Variants in SDCCAG8 observed in about 807,000 individuals in gnomAD.
The protein encoded by SDCCAG8 is serologically defined colon cancer antigen 8.
A neutral mutation model predicts 101.8 loss-of-function variants in SDCCAG8; 74 were observed. The observed-to-expected ratio is 0.73, with a 90% confidence interval of 0.60 to 0.88. The LOEUF is 0.88. Among genes scored for constraint, SDCCAG8 ranks in the 40% least tolerant of loss-of-function variants. The probability of loss-of-function intolerance (pLI) is 0.00; values close to 1 mark genes in which losing one functional copy is unlikely to be tolerated. For synonymous variants in SDCCAG8, 281 were observed against 292.9 expected (o/e 0.96, Z 0.41); for missense variants, 787 against 822.6 (o/e 0.96, Z 0.53).
intron 12 of SDCCAG8, among the ~76,000 whole-genome samples, chr1:243,370,318 GA>G (rs899314466): frequency 6.6e-6 from 1 of 151,788 alleles, no homozygotes; most frequent in Non-Finnish European, 1.5e-5. Flanking sequence ...TTATTTTAAA[GA>G]AAAAAAATTG....
intron 16 of SDCCAG8, among the ~76,000 whole-genome samples, chr1:243,447,223 T>G (rs2082976880): frequency 9.4e-6 from 1 of 106,234 alleles, no homozygotes; most frequent in Admixed American, 1.5e-4. Context: ...CACTCCAGCC[T>G]GGGTGACAGA....
chr1:243,260,905 C>T (rs763305330), intron 1 of SDCCAG8, among the ~76,000 whole-genome samples: 1 of 152,160 alleles, frequency 6.6e-6, no homozygotes, highest in African/African-American at 2.4e-5. Context: ...CAGGTCACTG[C>T]ACTTACTTTT....
At chr1:243,396,801 T>C (rs2079061619) in intron 13 of SDCCAG8, among the ~76,000 whole-genome samples, 2 of 152,230 alleles carry the variant, frequency 1.3e-5, no homozygotes, top group African/African-American at 4.8e-5. Context: ...CTACTTTGAC[T>C]CCAAATTATT....
chr1:243,412,263 C>G (rs1014747402), intron 13 of SDCCAG8, among the ~76,000 whole-genome samples: 2 of 152,096 alleles, frequency 1.3e-5, no homozygotes, highest in Non-Finnish European at 2.9e-5. Context: ...AATCCATTAT[C>G]GTATTACCTC....
At chr1:243,470,579 A>G (rs1159724398) in intron 16 of SDCCAG8, among the ~76,000 whole-genome samples, 1 of 151,650 alleles carries the variant, frequency 6.6e-6, no homozygotes, top group Non-Finnish European at 1.5e-5. Context: ...CAGGATTTCA[A>G]CGGTGTCAAC....
intron 1 of SDCCAG8, among the ~76,000 whole-genome samples, chr1:243,262,464 A>AAATCTC (rs2067269487): frequency 1.3e-5 from 2 of 152,184 alleles, no homozygotes; most frequent in Non-Finnish European, 2.9e-5. Flanking sequence ...CTAGAACTTA[A>AAATCTC]AAGTACAATC....
intron 12 of SDCCAG8, among the ~76,000 whole-genome samples, chr1:243,372,688 A>G (rs1008508655): frequency 1.3e-5 from 2 of 151,760 alleles, no homozygotes; most frequent in Non-Finnish European, 2.9e-5. Context: ...GAAGCAAGAA[A>G]TGTTTTTTTT....
chr1:243,340,341 T>C (rs1273756089), intron 10 of SDCCAG8, among the ~76,000 whole-genome samples: 1 of 152,184 alleles, frequency 6.6e-6, no homozygotes, highest in Non-Finnish European at 1.5e-5. Context: ...GGACACAGGC[T>C]ACAAACAACA....
rs955874300 is a variant in SDCCAG8 at position 243,466,067 on chromosome 1, G to T, written c.1986-22947G>T. On this transcript the variant is annotated intron_variant, in intron 16 of 17. Transcript: ENST00000366541. ...CCATTTTGGTAAAAGCGTTGAAATA[G>T]CAATGCGCTATGAGCTAGTCTTTGC... Among the ~76,000 whole-genome samples the T allele has an allele frequency of 2.6e-5, 4 of 152,168 alleles. No homozygotes were observed. The East Asian group carries it at 7.7e-4, about 29-fold the overall frequency.
chr1:243,258,283 A>T (rs954991878), intron 1 of SDCCAG8, among the ~76,000 whole-genome samples: 1 of 152,188 alleles, frequency 6.6e-6, no homozygotes, highest in Non-Finnish European at 1.5e-5. Context: ...TTTATTTAGT[A>T]GCACTTTTAT....
intron 15 of SDCCAG8, among the ~76,000 whole-genome samples, chr1:243,423,439 A>G (rs1192578817): frequency 3.3e-5 from 5 of 152,102 alleles, no homozygotes; most frequent in Non-Finnish European, 5.9e-5. Flanking sequence ...TTTTCATTTG[A>G]TATCTAATGA....
Position 243,474,066 on chromosome 1 carries a change from T to A in SDCCAG8, c.1986-14948T>A, listed in dbSNP as rs922085543. Among the ~76,000 whole-genome samples the A allele has an allele frequency of 6.6e-6, 1 of 152,152 alleles. No homozygotes were observed. Among genetic ancestry groups the A allele is most frequent in the Non-Finnish European group, 1.5e-5 (1 of 68,022 alleles). On this transcript the variant is annotated intron_variant, in intron 16 of 17. Coordinates refer to ENST00000366541, the MANE Select transcript of SDCCAG8 (RefSeq NM_006642.5). The surrounding 1 kb of genome is among the most constrained non-coding windows in gnomAD (Gnocchi z 4.7). Reference sequence around the variant, plus strand: ...TTTCTTTGGCCTATTAGCCAAGATTTTTTTTTTCCTGTTTATTAAAATTTG... The same window carrying A: ...TTTCTTTGGCCTATTAGCCAAGATTATTTTTTTCCTGTTTATTAAAATTTG...
At position 243,489,065 on chromosome 1, in the gene SDCCAG8, GCTCCTCAGCAAGCAGAACCAGCTT is replaced by G; in HGVS notation, c.2043_2066del (p.Ser682_Leu689del). On this transcript the variant is annotated inframe_deletion, in exon 17 of 18. Transcript: ENST00000366541. ...AGGCCACAGCCCAGCAGCTGGTGCA[GCTCCTCAGCAAGCAGAACCAGCTT>G]CTCCTGGAGAGGCAGAGCCTGTCGG... 6.2e-7 allele frequency: 1 copy of G among 1,613,442 alleles called. No homozygotes were observed. The highest frequency in any genetic ancestry group is 8.5e-7 in the Non-Finnish European group (1 of 1,180,016).
At chr1:243,421,661 G>T (rs1319659913) in intron 15 of SDCCAG8, among the ~76,000 whole-genome samples, 1 of 152,128 alleles carries the variant, frequency 6.6e-6, no homozygotes, top group African/African-American at 2.4e-5. Context: ...CCGATTCTGT[G>T]CATGTTGTAT....
At chr1:243,296,708 A>G (rs1350333577) in intron 6 of SDCCAG8, among the ~76,000 whole-genome samples, 3 of 150,290 alleles carry the variant, frequency 2.0e-5, no homozygotes, top group South Asian at 2.1e-4. Flanking sequence ...GCGCCCGGCT[A>G]ATTTTTTTTT....
At chr1:243,317,102 T>TG (rs1420369013) in intron 9 of SDCCAG8, among the ~76,000 whole-genome samples, 1 of 152,230 alleles carries the variant, frequency 6.6e-6, no homozygotes, top group Non-Finnish European at 1.5e-5. Flanking sequence ...GTTGTATCAC[T>TG]GTTCAGAGAA....
intron 5 of SDCCAG8, among the ~76,000 whole-genome samples, chr1:243,289,479 T>C (rs1302139337): frequency 2.0e-5 from 3 of 152,242 alleles, no homozygotes; most frequent in Non-Finnish European, 4.4e-5. Context: ...ACACTCAGTA[T>C]TAACCATCTC....
intron 9 of SDCCAG8, among the ~76,000 whole-genome samples, chr1:243,323,975 G>C (rs1463592996): frequency 2.0e-5 from 3 of 151,978 alleles, no homozygotes; most frequent in Non-Finnish European, 2.9e-5. Context: ...AAGTGTGGAC[G>C]TTCCTCAGAG....
chr1:243,263,624 C>G (rs752349569), intron 1 of SDCCAG8, among the ~76,000 whole-genome samples: 2 of 152,178 alleles, frequency 1.3e-5, no homozygotes, highest in Non-Finnish European at 2.9e-5. Context: ...TTTGCCAACA[C>G]CCACATATCT....
Sources: gnomAD v4.1 joint callset for allele counts (sites outside exome capture counted in the v4.1 genomes callset) on GRCh38, gnomAD v4.1.1 for gene constraint, Gnocchi (gnomAD v3.1) non-coding constraint, MANE v1.5 for transcripts, NCBI Gene and HGNC (gene_info 2026-07-23, HGNC 2026-07-21) for gene names.